The following PXK variants were observed in gnomAD, a reference collection of about 807,000 sequenced individuals.
The protein encoded by PXK is PX domain-containing protein kinase-like protein.
A neutral mutation model predicts 84.7 loss-of-function variants in PXK; 35 were observed. The ratio of observed to expected loss-of-function variants is 0.41; its 90% confidence interval spans 0.32 to 0.55. The LOEUF is 0.55. PXK is among the 20% of genes least tolerant of loss of function. The pLI is 0.21. For synonymous variants in PXK, 253 were observed against 260.8 expected (o/e 0.97, Z 0.29); for missense variants, 634 against 699.7 (o/e 0.91, Z 1.06).
In PXK at chr3:58,422,129, G is replaced by A. The variant is rs116818001; in HGVS notation, c.1529-2623G>A. On this transcript the variant is annotated intron_variant, in intron 17 of 17. Coordinates refer to ENST00000356151, the MANE Select transcript of PXK (RefSeq NM_017771.5). Reference sequence around the variant, plus strand: ...CATGTGTTGTAGCTGAAGCCCCAACGGACCTTTCAGGAAGCTTGTGGACCA... The same window carrying A: ...CATGTGTTGTAGCTGAAGCCCCAACAGACCTTTCAGGAAGCTTGTGGACCA... 1,950 of 985,286 alleles carry A rather than the reference G, an allele frequency of 2.0e-3. 36 individuals are homozygous for A. In the African/African-American group the frequency reaches 0.032, roughly 16 times the overall value. The allele number at this position is 985,286 out of a possible 1,614,324, so 61.0% of individuals were successfully genotyped here.
intron 3 of PXK, among the ~76,000 whole-genome samples, chr3:58,376,891 C>T (rs562397653): frequency 7.2e-5 from 11 of 152,264 alleles, no homozygotes; most frequent in African/African-American, 2.2e-4. Flanking sequence ...CCACTTGCCT[C>T]GGTCTCCCAA....
In PXK at chr3:58,425,779, T is replaced by C. The variant is rs1007341026; in HGVS notation, c.*819T>C. 2.0e-5 allele frequency: 3 copies of C among 152,230 alleles called. No individual in the cohort carries two copies. The highest frequency in any genetic ancestry group is 4.4e-5 in the Non-Finnish European group (3 of 68,038). The allele number at this position is 152,230 out of a possible 1,614,324, so 9.4% of individuals were successfully genotyped here. On this transcript the variant is annotated 3_prime_UTR_variant, in exon 18 of 18. Coordinates refer to ENST00000356151, the MANE Select transcript of PXK (RefSeq NM_017771.5). ...CATCTATAGAAATCAATTATGATTT[T>C]TGAAAGATTTATCTAAATATATCAA...
Position 58,397,595 on chromosome 3 carries a change from T to C in PXK, c.985-10T>C. The C allele has an allele frequency of 6.2e-7, 1 of 1,604,772 alleles. No individual in the cohort carries two copies. Among genetic ancestry groups the C allele is most frequent in the African/African-American group, 1.3e-5 (1 of 74,874 alleles). On this transcript the variant is annotated splice_polypyrimidine_tract_variant and intron_variant, in intron 10 of 17. Transcript: ENST00000356151. This position sits in a 1 kb window ranked among gnomAD's most constrained non-coding sequence, Gnocchi z 4.7. ...GAAGGGTGAACACGCTGCTACTCTT[T>C]CTTCCACAGACATTGGAAAGTGTGG... is the stretch of plus-strand genomic sequence containing the variant.
chr3:58,353,266 G>A (rs1404428787), intron 1 of PXK, among the ~76,000 whole-genome samples: 1 of 152,074 alleles, frequency 6.6e-6, no homozygotes, highest in Non-Finnish European at 1.5e-5. Flanking sequence ...CAAAGTGCTG[G>A]GATTACAGAC....
At position 58,421,437 on chromosome 3, in the gene PXK, T is replaced by G. The variant is rs949184298; in HGVS notation, c.1529-3315T>G. 21 of 794,524 alleles carry G rather than the reference T, an allele frequency of 2.6e-5. No homozygotes were observed. The highest frequency in any genetic ancestry group is 3.2e-5 in the Non-Finnish European group (21 of 655,892). 49.2% of individuals were successfully genotyped at this position (794,524 alleles called of 1,614,324 possible). On this transcript the variant is annotated intron_variant, in intron 17 of 17. Transcript: ENST00000356151. This position sits in a 1 kb window ranked among gnomAD's most constrained non-coding sequence, Gnocchi z 5.5. ...CTGTACTAAAAATACAAAAATTAGGTGGGCATGGTACCACGCGCCTGTAAT... is the reference window on the plus strand; with the variant it reads ...CTGTACTAAAAATACAAAAATTAGGGGGGCATGGTACCACGCGCCTGTAAT...
At chr3:58,359,716 A>G (rs2098148644) in intron 1 of PXK, among the ~76,000 whole-genome samples, 2 of 152,210 alleles carry the variant, frequency 1.3e-5, no homozygotes, top group South Asian at 4.1e-4. Flanking sequence ...AGCCAAGAAA[A>G]TGTGTCAGTA....
At position 58,400,395 on chromosome 3, in the gene PXK, C is replaced by T. The variant is rs1180125877; in HGVS notation, c.1181+1018C>T. On this transcript the variant is annotated intron_variant, in intron 12 of 17. Transcript: ENST00000356151. This position sits in a 1 kb window ranked among gnomAD's most constrained non-coding sequence, Gnocchi z 4.0. The stretch of plus-strand genomic sequence containing the variant: ...TAATATGGGGAAACGAGGCAGGGGA[C>T]AGCTTGAAGGGCATGTAGCCAGAGT... Among the ~76,000 whole-genome samples, 1 of 152,106 alleles carries T rather than the reference C, an allele frequency of 6.6e-6. No homozygotes were observed. Among genetic ancestry groups the T allele is most frequent in the African/African-American group, 2.4e-5 (1 of 41,414 alleles).
intron 1 of PXK, among the ~76,000 whole-genome samples, chr3:58,340,831 A>G (rs866391162): frequency 6.6e-6 from 1 of 152,008 alleles, no homozygotes; most frequent in South Asian, 2.1e-4. Flanking sequence ...GCTGCTAGAG[A>G]TTTTGGGGTA....
Position 58,424,989 on chromosome 3 carries a change from G to GC in PXK, c.*29_*30insC. ...TTCCTGTTTACACTTGGAGGGAAAA[G>GC]TTCTTTTTTATTCCTACTCACCCCT... is the stretch of plus-strand genomic sequence containing the variant. On this transcript the variant is annotated 3_prime_UTR_variant, in exon 18 of 18. Coordinates refer to ENST00000356151, the MANE Select transcript of PXK (RefSeq NM_017771.5). 6.2e-7 allele frequency: 1 copy of GC among 1,612,162 alleles called. No individual in the cohort carries two copies. The highest frequency in any genetic ancestry group is 1.1e-5 in the South Asian group (1 of 90,784).
chr3:58,350,967 A>G (rs1559885186), intron 1 of PXK, among the ~76,000 whole-genome samples: 1 of 152,138 alleles, frequency 6.6e-6, no homozygotes, highest in Non-Finnish European at 1.5e-5. Flanking sequence ...TTCAGCCTAT[A>G]GTTTCAAGCT....
chr3:58,394,320 C>G (rs111369947), intron 7 of PXK, among the ~76,000 whole-genome samples: 2,817 of 152,266 alleles, frequency 0.019, 85 homozygotes, highest in African/African-American at 0.063. Flanking sequence ...ACAGCACTTT[C>G]CTTTCACTCA....
rs1040500870 is a variant in PXK at position 58,385,611 on chromosome 3, G to A, written c.388+2911G>A. 6.6e-6 allele frequency among the ~76,000 whole-genome samples: 1 copy of A among 152,150 alleles called. No individual in the cohort carries two copies. The highest frequency in any genetic ancestry group is 1.5e-5 in the Non-Finnish European group (1 of 68,024). ...CCTTCTGGGTTCAAGTGATCCTTGC[G>A]CTCCAGCCTCCTGAGTAGCTGGGAT... is the stretch of plus-strand genomic sequence containing the variant. On this transcript the variant is annotated intron_variant, in intron 4 of 17. Coordinates refer to ENST00000356151, the MANE Select transcript of PXK (RefSeq NM_017771.5). This position sits in a 1 kb window ranked among gnomAD's most constrained non-coding sequence, Gnocchi z 5.1.
chr3:58,395,130 G>T (rs1304526573), intron 8 of PXK, 28 bp downstream of exon 8: 1 of 1,520,272 alleles, frequency 6.6e-7, no homozygotes, highest in South Asian at 1.1e-5. Flanking sequence ...TGGTCATAAG[G>T]AATTCTCAAG....
intron 3 of PXK, among the ~76,000 whole-genome samples, chr3:58,377,374 T>G (rs945667906): frequency 6.6e-6 from 1 of 152,168 alleles, no homozygotes; most frequent in Non-Finnish European, 1.5e-5. Context: ...TCTTTAGACC[T>G]TACCCTCGAT....
chr3:58,357,238 G>A (rs192185964), intron 1 of PXK, among the ~76,000 whole-genome samples: 145 of 150,876 alleles, frequency 9.6e-4, no homozygotes, highest in African/African-American at 3.4e-3. Context: ...GAGATTGTGC[G>A]ACTGCACTCC....
At chr3:58,366,027 C>G in intron 2 of PXK, 103 bp downstream of exon 2, 1 of 916,162 alleles carries the variant, frequency 1.1e-6, no homozygotes, top group Middle Eastern at 2.6e-4. Flanking sequence ...TCAGAACATG[C>G]ATAAATATAA....
Position 58,413,416 on chromosome 3 carries a change from T to G in PXK, c.1528+453T>G, listed in dbSNP as rs148467263. On this transcript the variant is annotated intron_variant, in intron 17 of 17. Coordinates refer to ENST00000356151, the MANE Select transcript of PXK (RefSeq NM_017771.5). ...GGAGGAGTGAAAGAGTCACTGCGTT[T>G]CTGATTTTCTGGCAACGATTTGACT... The G allele has an allele frequency of 5.5e-3, 898 of 162,306 alleles. 2 individuals carry two copies. The highest frequency in any genetic ancestry group is 7.6e-3 in the Non-Finnish European group (567 of 74,462). The allele number at this position is 162,306 out of a possible 1,614,324, so 10.1% of individuals were successfully genotyped here. A position where few individuals can be genotyped will look rare whatever the true frequency, so the allele number is the denominator to read the frequency against.
intron 7 of PXK, among the ~76,000 whole-genome samples, chr3:58,393,436 G>T (rs147878094): frequency 5.6e-4 from 85 of 152,190 alleles, no homozygotes; most frequent in African/African-American, 1.8e-3. Context: ...TACTTTTTAA[G>T]AATTTTTATG....
chr3:58,334,949 G>GTC (rs1179915872), intron 1 of PXK, among the ~76,000 whole-genome samples: 9 of 130,380 alleles, frequency 6.9e-5, no homozygotes, highest in African/African-American at 3.2e-4. Flanking sequence ...GTGTGTGTGT[G>GTC]TGTGTGTGTC....
Sources: gnomAD v4.1 joint callset for allele counts (sites outside exome capture counted in the v4.1 genomes callset) on GRCh38, gnomAD v4.1.1 for gene constraint, Gnocchi (gnomAD v3.1) non-coding constraint, MANE v1.5 for transcripts, NCBI Gene and HGNC (gene_info 2026-07-23, HGNC 2026-07-21) for gene names.